Variants in DENND5A observed in about 807,000 individuals in gnomAD.
DENND5A encodes the protein DENN domain containing 5A, also known as DENN domain-containing protein 5A.
DENND5A carries 64 observed loss-of-function variants against 140.3 expected under a neutral mutation model. That is an observed-to-expected ratio of 0.46 (90% CI 0.37 to 0.56). DENND5A has a LOEUF of 0.56. Among genes scored for constraint, DENND5A ranks in the 20% least tolerant of loss-of-function variants. DENND5A has a pLI of 0.00. For missense variants in DENND5A, 1,292 were observed against 1,593.8 expected, an observed-to-expected ratio of 0.81 and a Z score of 3.22; for synonymous variants, 605 against 607.7, an observed-to-expected ratio of 1.00 and a Z score of 0.07.
chr11:9,260,323 G>A (rs1359399881), intron 1 of DENND5A, among the ~76,000 whole-genome samples: 1 of 151,994 alleles, frequency 6.6e-6, no homozygotes, highest in Non-Finnish European at 1.5e-5. Context: ...CAGAGACAAG[G>A]AAAATAAACT....
chr11:9,170,823 T>TACAC (rs769184387), intron 8 of DENND5A, 46 bp from the exon 9 acceptor site: 2 of 1,583,236 alleles, frequency 1.3e-6, no homozygotes, highest in African/African-American at 1.3e-5. Context: ...CACACATAAA[T>TACAC]ACACACACAA....
chr11:9,259,434 T>C (rs545101371), intron 1 of DENND5A, among the ~76,000 whole-genome samples: 28 of 147,788 alleles, frequency 1.9e-4, no homozygotes, highest in Non-Finnish European at 2.8e-4. Context: ...GGCGTGGTGG[T>C]GGGCGCCTGT....
intron 5 of DENND5A, among the ~76,000 whole-genome samples, chr11:9,188,742 T>C (rs796217202): frequency 3.7e-4 from 56 of 152,284 alleles, no homozygotes; most frequent in African/African-American, 1.3e-3. Context: ...ATCTAGGGTA[T>C]CTGGCAGAAG....
intron 1 of DENND5A, among the ~76,000 whole-genome samples, chr11:9,244,615 C>T (rs1015196648): frequency 1.3e-5 from 2 of 152,150 alleles, no homozygotes; most frequent in Non-Finnish European, 2.9e-5. Flanking sequence ...GTGATCCGCC[C>T]GCTTCGGCCT....
At chr11:9,256,452 C>T (rs1008762331) in intron 1 of DENND5A, among the ~76,000 whole-genome samples, 8 of 151,868 alleles carry the variant, frequency 5.3e-5, no homozygotes, top group Non-Finnish European at 7.4e-5. Context: ...AAGAATGAAA[C>T]TCTGTCTCAG....
Position 9,193,580 on chromosome 11 carries a change from G to A in DENND5A, c.1051C>T (p.His351Tyr). The A allele has an allele frequency of 6.2e-7, 1 of 1,614,110 alleles. No homozygotes were observed. Residue 351 changes from histidine (H) to tyrosine (Y), a missense_variant, in exon 5 of 23, where the codon CAT becomes TAT. Physicochemically the swap from His to Tyr is moderately conservative, Grantham distance 83. Around this residue, in one of 4 missense-constraint regions of DENND5A, gnomAD observed 566 missense variants for 650.4 expected, o/e 0.87. Coordinates refer to ENST00000328194, the MANE Select transcript of DENND5A (RefSeq NM_015213.4). The part of the protein sequence containing the change: ...YVPILPASLL[H>Y]FLDAPVPYLM... Reference sequence around the variant, plus strand: ...TATGGAACAGGAGCATCTAAGAAATGCAGGAGAGAAGCTGGGAGAATAGGG... The same window carrying A: ...TATGGAACAGGAGCATCTAAGAAATACAGGAGAGAAGCTGGGAGAATAGGG...
Position 9,213,991 on chromosome 11 carries a change from C to A in DENND5A, c.110-6359G>T, listed in dbSNP as rs777224496. On this transcript the variant is annotated intron_variant, in intron 1 of 22. Transcript: ENST00000328194. ...AAATTCTTTCCTCTGCGAATGCATA[C>A]GTCTAAGTTAATATGCTATCCTTTG... is the stretch of plus-strand genomic sequence containing the variant. 9.2e-5 allele frequency among the ~76,000 whole-genome samples: 14 copies of A among 152,166 alleles called. No homozygotes were observed. In the Middle Eastern group the frequency reaches 0.02, roughly 222 times the overall value.
chr11:9,182,269 T>C (rs376679946), intron 5 of DENND5A, among the ~76,000 whole-genome samples: 2 of 152,152 alleles, frequency 1.3e-5, no homozygotes, highest in South Asian at 4.1e-4. Flanking sequence ...TAAGCTGAGA[T>C]TGTGCCACTG....
In DENND5A at chr11:9,218,256, C is replaced by T. The variant is rs138892674; in HGVS notation, c.110-10624G>A. Among the ~76,000 whole-genome samples, 439 of 149,278 alleles carry T rather than the reference C, an allele frequency of 2.9e-3. 2 individuals carry two copies. The highest frequency in any genetic ancestry group is 0.01 in the African/African-American group (417 of 40,250). Reference sequence around the variant, plus strand: ...GCTGGGTGACAGAGCAAGACCCCGTCTCAAAAAAATAAACAAAAAAAAAAC... The same window carrying T: ...GCTGGGTGACAGAGCAAGACCCCGTTTCAAAAAAATAAACAAAAAAAAAAC... On this transcript the variant is annotated intron_variant, in intron 1 of 22. Transcript: ENST00000328194.
chr11:9,153,303 C>T (rs1309031778), intron 12 of DENND5A, among the ~76,000 whole-genome samples: 4 of 139,728 alleles, frequency 2.9e-5, no homozygotes, highest in Admixed American at 2.2e-4. Flanking sequence ...CAGGATCATG[C>T]CGCTGCACTC....
chr11:9,139,829 C>A lies in DENND5A; in HGVS notation c.3706G>T (p.Ala1236Ser), dbSNP rs1285019943. The change falls in exon 23 of 23, where the codon GCC becomes TCC. Residue 1236 changes from alanine (A) to serine (S), a missense_variant. Ala to Ser is a moderately conservative substitution (Grantham distance 99). Transcript: ENST00000328194. ...GTGATGGGGCAGTCAGCCAGCAGGG[C>A]AATCCAGTGGTGTAGGAGGTGATCT... ...ARDHLLHHWIALLADCPITAH... is the reference protein window; with the variant it reads ...ARDHLLHHWISLLADCPITAH... 3 of 1,613,946 alleles carry A rather than the reference C, an allele frequency of 1.9e-6. No individual in the cohort carries two copies. In the Admixed American group the frequency reaches 5.0e-5, roughly 27 times the overall value.
At chr11:9,172,450 C>T (rs150086237) in intron 8 of DENND5A, among the ~76,000 whole-genome samples, 7 of 152,220 alleles carry the variant, frequency 4.6e-5, no homozygotes, top group East Asian at 1.9e-4. Context: ...GCTCCATGTC[C>T]GCACCCAAAT....
intron 1 of DENND5A, among the ~76,000 whole-genome samples, chr11:9,243,097 A>C (rs1564936163): frequency 2.2e-5 from 3 of 138,434 alleles, no homozygotes; most frequent in Non-Finnish European, 4.5e-5. Context: ...CAAAAAAAAA[A>C]AAAAAAACAA....
intron 1 of DENND5A, among the ~76,000 whole-genome samples, chr11:9,261,520 G>C (rs568302068): frequency 2.8e-4 from 43 of 152,078 alleles, no homozygotes; most frequent in Admixed American, 9.8e-4. Context: ...GCTCACGCCT[G>C]TAATCCTAGC....
chr11:9,213,981 C>T (rs554246894), intron 1 of DENND5A, among the ~76,000 whole-genome samples: 21 of 151,962 alleles, frequency 1.4e-4, no homozygotes, highest in Non-Finnish European at 2.6e-4. Flanking sequence ...CTTTCCTCTG[C>T]GAATGCATAC....
At chr11:9,190,551 A>G (rs889919717) in intron 5 of DENND5A, among the ~76,000 whole-genome samples, 8 of 152,060 alleles carry the variant, frequency 5.3e-5, no homozygotes, top group Non-Finnish European at 1.2e-4. Context: ...CTTGCCTTCC[A>G]CCATGATTGT....
intron 1 of DENND5A, among the ~76,000 whole-genome samples, chr11:9,225,170 T>C (rs1006813424): frequency 6.6e-6 from 1 of 152,354 alleles, no homozygotes; most frequent in African/African-American, 2.4e-5. Flanking sequence ...GGCAACTAAA[T>C]CACGCTTTTG....
intron 1 of DENND5A, among the ~76,000 whole-genome samples, chr11:9,234,979 G>A (rs544966532): frequency 8.5e-5 from 13 of 152,160 alleles, no homozygotes; most frequent in South Asian, 6.2e-4. Flanking sequence ...CTCTAGCGCC[G>A]CTGGGTTAGG....
intron 5 of DENND5A, among the ~76,000 whole-genome samples, chr11:9,181,899 A>T (rs1848744672): frequency 6.6e-6 from 1 of 152,060 alleles, no homozygotes; most frequent in Non-Finnish European, 1.5e-5. Flanking sequence ...CCTCAGTCTT[A>T]ATTTGTAAGG....
Sources: gnomAD v4.1 joint callset for allele counts (sites outside exome capture counted in the v4.1 genomes callset) on GRCh38, gnomAD v4.1.1 for gene constraint, gnomAD v4.1.1 regional missense constraint, MANE v1.5 for transcripts, NCBI Gene and HGNC (gene_info 2026-07-23, HGNC 2026-07-21) for gene names.